TGM6: variants seen among roughly 807,000 people sequenced by gnomAD.
The protein encoded by TGM6 is transglutaminase 6.
A neutral mutation model predicts 77.5 loss-of-function variants in TGM6; 74 were observed. The ratio of observed to expected loss-of-function variants is 0.96; its 90% confidence interval spans 0.79 to 1.16. TGM6 has a LOEUF of 1.16. TGM6 is among the 50% of genes most tolerant of loss of function. TGM6 has a pLI of 0.00. For missense variants in TGM6, 968 were observed against 940.2 expected (o/e 1.03, Z -0.39); for synonymous variants, 383 against 378.9 (o/e 1.01, Z -0.12).
At position 2,432,580 on chromosome 20, in the gene TGM6, T is replaced by A; in HGVS notation, c.2058T>A (p.Leu686=). The change falls in exon 13 of 13, where the codon CTT becomes CTA. Residue 686 remains leucine, a synonymous_variant. Coordinates refer to ENST00000202625, the MANE Select transcript of TGM6 (RefSeq NM_198994.3). ...KSGPRQLQVD[L]VSPHFPDIKG... ...GCCCAAGGCAGCTGCAGGTGGACCT[T>A]GTAAGCCCTCACTTCCCGGACATCA... The A allele has an allele frequency of 6.2e-7, 1 of 1,614,074 alleles. No individual in the cohort carries two copies. Among genetic ancestry groups the A allele is most frequent in the Non-Finnish European group, 8.5e-7 (1 of 1,179,992 alleles).
At chr20:2,385,362 GGGGGGAGGTGTTGAGGT>G (rs1568651413) in intron 1 of TGM6, among the ~76,000 whole-genome samples, 1 of 152,144 alleles carries the variant, frequency 6.6e-6, no homozygotes, top group African/African-American at 2.4e-5. Flanking sequence ...CGGCTGGGGA[GGGGGGAGGTGTTGAGGT>G]GGGGGTTGTC....
intron 5 of TGM6, among the ~76,000 whole-genome samples, 162 bp downstream of exon 5, chr20:2,398,208 T>C (rs2084682312): frequency 2.0e-5 from 3 of 152,200 alleles, no homozygotes; most frequent in Admixed American, 1.3e-4. Flanking sequence ...CCCTTTATTA[T>C]GCTTACTGTT....
At chr20:2,418,799 G>A (rs144185622) in intron 10 of TGM6, among the ~76,000 whole-genome samples, 250 of 152,082 alleles carry the variant, frequency 1.6e-3, no homozygotes, top group Middle Eastern at 0.01. Flanking sequence ...TATTGAGGCC[G>A]GGCGCGGTGG....
chr20:2,392,789 G>C (rs1188543909), intron 1 of TGM6, among the ~76,000 whole-genome samples: 1 of 152,204 alleles, frequency 6.6e-6, no homozygotes, highest in Non-Finnish European at 1.5e-5. Flanking sequence ...TGCAGACCCA[G>C]CTACTTGGGA....
chr20:2,383,294 G>T (rs1462311083), intron 1 of TGM6, among the ~76,000 whole-genome samples: 1 of 152,222 alleles, frequency 6.6e-6, no homozygotes, highest in Non-Finnish European at 1.5e-5. Context: ...CAAAGAATTG[G>T]GGAGGATTGT....
At chr20:2,387,552 T>C (rs754490515) in intron 1 of TGM6, among the ~76,000 whole-genome samples, 12 of 152,222 alleles carry the variant, frequency 7.9e-5, no homozygotes, top group Non-Finnish European at 1.2e-4. Context: ...GCTTCTGGCC[T>C]AGGCTAAGCT....
chr20:2,415,655 G>T (rs1283764993), intron 9 of TGM6, among the ~76,000 whole-genome samples: 2 of 152,156 alleles, frequency 1.3e-5, no homozygotes, highest in Non-Finnish European at 2.9e-5. Context: ...AGGACCTGGT[G>T]AGGGCTCTGT....
At chr20:2,402,097 T>A (rs909750616) in intron 7 of TGM6, among the ~76,000 whole-genome samples, 3 of 151,766 alleles carry the variant, frequency 2.0e-5, no homozygotes, top group African/African-American at 7.3e-5. Flanking sequence ...TTAAAAAAAA[T>A]TAGCCGGGTG....
rs760996972 is a variant in TGM6 at position 2,403,508 on chromosome 20, C to T, written c.1093+8C>T. ...CCCAGGAGGAGAGTGAAGGTACGCTCAATTGGGTGGGGTAAGTTCCAGACC... is the reference window on the plus strand; with the variant it reads ...CCCAGGAGGAGAGTGAAGGTACGCTTAATTGGGTGGGGTAAGTTCCAGACC... On this transcript the variant is annotated splice_region_variant and intron_variant, in intron 8 of 12. Coordinates refer to ENST00000202625, the MANE Select transcript of TGM6 (RefSeq NM_198994.3). 6.2e-7 allele frequency: 1 copy of T among 1,614,134 alleles called. No individual in the cohort carries two copies. Among genetic ancestry groups the T allele is most frequent in the Non-Finnish European group, 8.5e-7 (1 of 1,180,030 alleles).
chr20:2,418,878 C>T (rs1425464659), intron 10 of TGM6, among the ~76,000 whole-genome samples: 1 of 151,826 alleles, frequency 6.6e-6, no homozygotes, highest in African/African-American at 2.4e-5. Context: ...AGATCGAAAC[C>T]ATCCTGGCTA....
At chr20:2,396,409 C>T (rs570211594) in intron 3 of TGM6, 97 bp from the exon 4 acceptor site, 50 of 1,258,296 alleles carry the variant, frequency 4.0e-5, no homozygotes, top group South Asian at 6.0e-5. Flanking sequence ...AGTCAGCCTC[C>T]GGGCGCTGCC....
At chr20:2,423,063 G>T (rs2084867175) in intron 10 of TGM6, among the ~76,000 whole-genome samples, 1 of 151,682 alleles carries the variant, frequency 6.6e-6, no homozygotes, top group Non-Finnish European at 1.5e-5. Flanking sequence ...TAAAGCAGTG[G>T]CAGGGTTTGA....
chr20:2,422,768 CA>C (rs1371778142), intron 10 of TGM6, among the ~76,000 whole-genome samples: 2 of 150,630 alleles, frequency 1.3e-5, no homozygotes, highest in Admixed American at 6.6e-5. Context: ...CCCATCTCTA[CA>C]AAAAAAATAA....
chr20:2,394,793 G>A (rs1389735591), intron 2 of TGM6, among the ~76,000 whole-genome samples, 168 bp downstream of exon 2: 2 of 152,168 alleles, frequency 1.3e-5, no homozygotes, highest in Admixed American at 6.5e-5. Flanking sequence ...GCTTTCTGGG[G>A]GTGGTTGGGA....
At chr20:2,393,123 C>T (rs371590260) in intron 1 of TGM6, among the ~76,000 whole-genome samples, 4 of 152,218 alleles carry the variant, frequency 2.6e-5, no homozygotes, top group East Asian at 3.8e-4. Context: ...ATGCACGTTG[C>T]TAATATTTAT....
At chr20:2,414,449 A>C (rs1346139887) in intron 9 of TGM6, among the ~76,000 whole-genome samples, 1 of 152,230 alleles carries the variant, frequency 6.6e-6, no homozygotes, top group Non-Finnish European at 1.5e-5. Context: ...TGAAACACTC[A>C]TACATTGCTG....
intron 1 of TGM6, among the ~76,000 whole-genome samples, chr20:2,386,472 T>A (rs1271561092): frequency 1.3e-5 from 2 of 152,014 alleles, no homozygotes; most frequent in African/African-American, 4.8e-5. Context: ...AAGTGTGTTC[T>A]ATGGGGTTAA....
At chr20:2,397,186 C>A (rs766042046) in intron 4 of TGM6, among the ~76,000 whole-genome samples, 1 of 152,168 alleles carries the variant, frequency 6.6e-6, no homozygotes, top group Non-Finnish European at 1.5e-5. Context: ...TGGAGGCTTA[C>A]GTGATATTGT....
intron 1 of TGM6, among the ~76,000 whole-genome samples, chr20:2,386,120 C>T (rs979893101): frequency 1.3e-5 from 2 of 152,166 alleles, no homozygotes; most frequent in African/African-American, 4.8e-5. Context: ...TACCTAGGAG[C>T]CTCTCCCCAT....
Sources: allele counts gnomAD v4.1 joint callset (sites outside exome capture counted in the v4.1 genomes callset), GRCh38; gene constraint gnomAD v4.1.1; transcripts MANE v1.5; gene names NCBI Gene and HGNC (gene_info 2026-07-23, HGNC 2026-07-21).